USP13: variants seen among roughly 807,000 people sequenced by gnomAD.
USP13 encodes the protein ubiquitin carboxyl-terminal hydrolase 13.
Under a neutral mutation model 107.8 loss-of-function variants are expected in USP13, and 68 were observed. The observed-to-expected ratio is 0.63, with a 90% CI of 0.52 to 0.77. The LOEUF (loss-of-function observed/expected upper bound fraction) is 0.77. Among genes scored for constraint, USP13 ranks in the 30% least tolerant of loss-of-function variants. The probability of loss-of-function intolerance (pLI) is 0.00; values close to 1 mark genes in which losing one functional copy is unlikely to be tolerated. For missense variants in USP13, 945 were observed against 1,093.3 expected (o/e 0.86, Z 1.91); for synonymous variants, 377 against 389.5 (o/e 0.97, Z 0.38).
chr3:179,664,990 A>G (rs554826776), intron 1 of USP13, among the ~76,000 whole-genome samples: 12 of 152,128 alleles, frequency 7.9e-5, no homozygotes, highest in Non-Finnish European at 1.5e-4. Context: ...CAGGAGGCTG[A>G]GGCAGGAGAA....
intron 1 of USP13, among the ~76,000 whole-genome samples, chr3:179,671,607 A>AATTTAC (rs1356582709): frequency 6.6e-6 from 1 of 152,190 alleles, no homozygotes; most frequent in Non-Finnish European, 1.5e-5. Flanking sequence ...GTAAATACTC[A>AATTTAC]TCCACAAGTC....
chr3:179,754,941 TACC>T (rs1470880584), intron 15 of USP13, 87 bp downstream of exon 15: 5 of 1,465,258 alleles, frequency 3.4e-6, no homozygotes, highest in African/African-American at 1.4e-5. Context: ...GTGTTGCTGC[TACC>T]ACCACCACCC....
At chr3:179,751,054 A>G (rs1295846972) in intron 13 of USP13, among the ~76,000 whole-genome samples, 7 of 152,192 alleles carry the variant, frequency 4.6e-5, no homozygotes, top group African/African-American at 1.7e-4. Context: ...AGAATTTTTT[A>G]TTTTAAAAGG....
intron 14 of USP13, 24 bp from the exon 15 acceptor site, chr3:179,754,708 G>A (rs753356948): frequency 1.2e-6 from 2 of 1,609,770 alleles, no homozygotes; most frequent in Non-Finnish European, 1.7e-6. Flanking sequence ...GAGCCCAGTG[G>A]ATATAATCTC....
rs1165992760 is a variant in USP13 at position 179,653,233 on chromosome 3, G to A, written c.8G>A (p.Arg3His). Residue 3 changes from arginine to histidine, a missense_variant, in exon 1 of 21, where the codon CGC (arginine) becomes CAC (histidine). Transcript: ENST00000263966. The surrounding 1 kb of genome is among the most constrained non-coding windows in gnomAD (Gnocchi z 4.0). ...CCGGTGCGCGCCGAGGCCATGCAGC[G>A]CCGGGGCGCCCTGTTCGGCATGCCG... MQ[R>H]RGALFGMPGG... 6.5e-7 allele frequency: 1 copy of A among 1,545,104 alleles called. No homozygotes were observed. Among genetic ancestry groups the A allele is most frequent in the Non-Finnish European group, 8.7e-7 (1 of 1,145,692 alleles).
chr3:179,727,740 G>C (rs1256159517), intron 8 of USP13, among the ~76,000 whole-genome samples: 3 of 94,700 alleles, frequency 3.2e-5, no homozygotes, highest in African/African-American at 1.1e-4. Context: ...CAGTAGGGGC[G>C]GCCGGGCAGA....
chr3:179,668,174 A>T (rs1309481386), intron 1 of USP13, among the ~76,000 whole-genome samples: 1 of 151,772 alleles, frequency 6.6e-6, no homozygotes, highest in Non-Finnish European at 1.5e-5. Flanking sequence ...ATTTATTTAT[A>T]TTTTTTTTAG....
chr3:179,689,843 A>G (rs1386095301), intron 2 of USP13, among the ~76,000 whole-genome samples: 1 of 152,186 alleles, frequency 6.6e-6, no homozygotes. Context: ...GCCAAGCACT[A>G]GAGACCCACT....
chr3:179,729,388 G>A (rs1037299567), intron 8 of USP13, among the ~76,000 whole-genome samples: 3 of 152,190 alleles, frequency 2.0e-5, no homozygotes, highest in Non-Finnish European at 4.4e-5. Flanking sequence ...GCCCAAGGAC[G>A]GGCCCAGTCA....
chr3:179,780,400 A>G lies in USP13; in HGVS notation c.2414-1339A>G, dbSNP rs151338745. Among the ~76,000 whole-genome samples the G allele has an allele frequency of 4.9e-3, 743 of 152,370 alleles. 5 individuals are homozygous for G. In the Middle Eastern group the frequency reaches 0.058, roughly 12 times the overall value. On this transcript the variant is annotated intron_variant, in intron 19 of 20. Coordinates refer to ENST00000263966, the MANE Select transcript of USP13 (RefSeq NM_003940.3). ...CAGCAAGGTTGCAGGAAACAAGATC[A>G]ATATACAAAATTAAATTATATTTCT... is the stretch of plus-strand genomic sequence containing the variant.
rs1391366001 is a variant in USP13 at position 179,787,999 on chromosome 3, A to G, written c.*3858A>G. ...AAAAATCCATTTAAAGTGTCCTCCT[A>G]GAAAAGCCTCAGAACTGCCTTCAAC... On this transcript the variant is annotated 3_prime_UTR_variant, in exon 21 of 21. Transcript: ENST00000263966. 2.0e-5 allele frequency: 3 copies of G among 152,260 alleles called. No individual in the cohort carries two copies. The highest frequency in any genetic ancestry group is 4.4e-5 in the Non-Finnish European group (3 of 68,042). The allele number at this position is 152,260 out of a possible 1,614,324, so 9.4% of individuals were successfully genotyped here.
intron 8 of USP13, among the ~76,000 whole-genome samples, chr3:179,728,825 T>TA: frequency 6.6e-6 from 1 of 152,058 alleles, no homozygotes; most frequent in Admixed American, 6.5e-5. Context: ...ACCAAAAAAA[T>TA]ACGAGAACCA....
rs906183547 is a variant in USP13, at chr3:179,786,516, C to T, written c.*2375C>T. The T allele has an allele frequency of 2.0e-5, 3 of 152,278 alleles. No individual in the cohort carries two copies. The highest frequency in any genetic ancestry group is 7.2e-5 in the African/African-American group (3 of 41,442). The allele number at this position is 152,278 out of a possible 1,614,324, so 9.4% of individuals were successfully genotyped here. ...AATTGTGCTATGGCTGCCTTTTCTT[C>T]TGCCCCACAACACAAAGGGCTATTT... On this transcript the variant is annotated 3_prime_UTR_variant, in exon 21 of 21. Coordinates refer to ENST00000263966, the MANE Select transcript of USP13 (RefSeq NM_003940.3).
chr3:179,768,740 T>C (rs1176027497), intron 19 of USP13, among the ~76,000 whole-genome samples: 2 of 152,214 alleles, frequency 1.3e-5, no homozygotes, highest in Non-Finnish European at 2.9e-5. Flanking sequence ...CAGGAGGTAA[T>C]AGACTTTGAT....
chr3:179,764,602 G>A (rs1257537039), intron 18 of USP13, among the ~76,000 whole-genome samples: 1 of 152,088 alleles, frequency 6.6e-6, no homozygotes, highest in Non-Finnish European at 1.5e-5. Flanking sequence ...AAACTGAATG[G>A]CTCCTTGGAA....
chr3:179,663,331 C>T (rs1331554232), intron 1 of USP13, among the ~76,000 whole-genome samples: 2 of 152,236 alleles, frequency 1.3e-5, no homozygotes. Context: ...CTTTGTAAGG[C>T]AGGATAATAT....
intron 6 of USP13, among the ~76,000 whole-genome samples, chr3:179,713,987 T>A (rs1286822248): frequency 6.6e-6 from 1 of 152,104 alleles, no homozygotes; most frequent in Non-Finnish European, 1.5e-5. Context: ...CTACTCTGGG[T>A]CCCCATGGGT....
intron 13 of USP13, among the ~76,000 whole-genome samples, chr3:179,745,456 T>C (rs1196000347): frequency 6.6e-6 from 1 of 152,042 alleles, no homozygotes; most frequent in Non-Finnish European, 1.5e-5. Context: ...TTTTTCTTTT[T>C]TTAAATGTAA....
intron 12 of USP13, among the ~76,000 whole-genome samples, chr3:179,743,346 G>A (rs2268928): frequency 0.19 from 28,740 of 151,262 alleles, 2,972 homozygotes; most frequent in Admixed American, 0.25. Context: ...AGACCTGCAC[G>A]TTCTACACAT....
Sources: allele counts gnomAD v4.1 joint callset (sites outside exome capture counted in the v4.1 genomes callset), GRCh38; gene constraint gnomAD v4.1.1; non-coding constraint Gnocchi (gnomAD v3.1); transcripts MANE v1.5; gene names NCBI Gene and HGNC (gene_info 2026-07-23, HGNC 2026-07-21).